The following ANXA10 variants were observed in gnomAD, a reference collection of about 807,000 sequenced individuals.
ANXA10 encodes annexin 14.
A neutral mutation model predicts 53.5 loss-of-function variants in ANXA10; 49 were observed. The ratio of observed to expected loss-of-function variants is 0.92; its 90% CI spans 0.73 to 1.16. The LOEUF is 1.16. ANXA10 is among the 50% of genes most tolerant of loss of function. ANXA10 has a pLI of 0.00. For synonymous variants in ANXA10, 131 were observed against 128.9 expected (o/e 1.02, Z -0.11); for missense variants, 393 against 394.4 (o/e 1.00, Z 0.03).
intron 6 of ANXA10, among the ~76,000 whole-genome samples, chr4:168,174,376 C>T (rs766080413): frequency 1.3e-5 from 2 of 152,216 alleles, no homozygotes; most frequent in African/African-American, 2.4e-5. Context: ...TGTGACATGC[C>T]TGGTCCAGCC....
At chr4:168,155,766 GATATATC>G (rs1358043744) in intron 3 of ANXA10, among the ~76,000 whole-genome samples, 1 of 28,118 alleles carries the variant, frequency 3.6e-5, no homozygotes, top group Non-Finnish European at 5.6e-5. Flanking sequence ...TATAATATAT[GATATATC>G]ATATATTATA....
intron 3 of ANXA10, among the ~76,000 whole-genome samples, chr4:168,139,820 C>T (rs1480068595): frequency 6.6e-6 from 1 of 152,046 alleles, no homozygotes; most frequent in Admixed American, 6.5e-5. Flanking sequence ...AAGTTCTTTC[C>T]CCAAAATCAT....
At chr4:168,096,930 G>GTA (rs1560956143) in intron 1 of ANXA10, among the ~76,000 whole-genome samples, 1 of 38,250 alleles carries the variant, frequency 2.6e-5, no homozygotes, top group African/African-American at 1.1e-4. Flanking sequence ...ATATATATAT[G>GTA]TATGTATATG....
At chr4:168,116,459 C>T (rs908047057) in intron 1 of ANXA10, among the ~76,000 whole-genome samples, 1 of 151,994 alleles carries the variant, frequency 6.6e-6, no homozygotes, top group East Asian at 1.9e-4. Flanking sequence ...CAGTAATGGG[C>T]CAGTGAACAT....
intron 3 of ANXA10, among the ~76,000 whole-genome samples, chr4:168,151,612 G>T (rs1230705876): frequency 6.6e-6 from 1 of 151,884 alleles, no homozygotes; most frequent in East Asian, 1.9e-4. Context: ...ACGCTGCAAA[G>T]GTTGCATTTG....
chr4:168,169,803 G>A (rs1166780780), intron 6 of ANXA10, among the ~76,000 whole-genome samples: 5 of 152,128 alleles, frequency 3.3e-5, no homozygotes, highest in South Asian at 2.1e-4. Flanking sequence ...AAATGTCAAC[G>A]ATCAAAACTC....
chr4:168,113,895 G>T (rs1730849601), intron 1 of ANXA10, among the ~76,000 whole-genome samples: 1 of 152,020 alleles, frequency 6.6e-6, no homozygotes, highest in South Asian at 2.1e-4. Context: ...TTAATATTAT[G>T]CTTGGAAAAG....
intron 1 of ANXA10, among the ~76,000 whole-genome samples, chr4:168,121,548 CAT>C (rs562741909): frequency 1.2e-4 from 19 of 152,132 alleles, no homozygotes; most frequent in African/African-American, 4.6e-4. Context: ...GTTTAATTAT[CAT>C]TTAATAATAT....
At chr4:168,107,198 A>C (rs759523990) in intron 1 of ANXA10, among the ~76,000 whole-genome samples, 8 of 152,306 alleles carry the variant, frequency 5.3e-5, no homozygotes, top group Non-Finnish European at 1.2e-4. Context: ...TGATTACAAA[A>C]CTGTTAAATA....
chr4:168,096,225 G>A (rs1439588122), intron 1 of ANXA10, among the ~76,000 whole-genome samples: 3 of 152,052 alleles, frequency 2.0e-5, no homozygotes, highest in African/African-American at 7.2e-5. Flanking sequence ...TAATTCCCAG[G>A]ACAAAAACTT....
At chr4:168,164,514 T>C (rs1395172330) in intron 5 of ANXA10, among the ~76,000 whole-genome samples, 1 of 152,118 alleles carries the variant, frequency 6.6e-6, no homozygotes, top group Non-Finnish European at 1.5e-5. Context: ...GGAAAATAAT[T>C]ACAAGTCTCT....
chr4:168,157,424 C>A (rs1416899359), intron 3 of ANXA10, among the ~76,000 whole-genome samples: 1 of 152,050 alleles, frequency 6.6e-6, no homozygotes, highest in South Asian at 2.1e-4. Context: ...CCTGCCACCA[C>A]CCCTGGCTAA....
In ANXA10 at chr4:168,177,806, A is replaced by G. The variant is rs1269951407; in HGVS notation, c.534+13A>G. 2 of 1,614,180 alleles carry G rather than the reference A, an allele frequency of 1.2e-6. No individual in the cohort carries two copies. Among genetic ancestry groups the G allele is most frequent in the African/African-American group, 1.3e-5 (1 of 75,048 alleles). On this transcript the variant is annotated intron_variant, in intron 7 of 11. Coordinates refer to ENST00000359299, the MANE Select transcript of ANXA10 (RefSeq NM_007193.5). ...TCAGGATGCAATGGTAACTAGAACC[A>G]GTTCTCAGACTGACTGCAAAGAACC...
intron 3 of ANXA10, among the ~76,000 whole-genome samples, chr4:168,145,990 T>G (rs1731400262): frequency 6.6e-6 from 1 of 151,972 alleles, no homozygotes; most frequent in Non-Finnish European, 1.5e-5. Context: ...TGGCATGATC[T>G]TGGCTTACTG....
chr4:168,165,310 T>C lies in ANXA10; in HGVS notation c.464T>C (p.Leu155Pro). Residue 155 changes from leucine to proline, a missense_variant, in exon 6 of 12, where the codon CTC becomes CCC. By Grantham distance (98) the Leu-to-Pro change is moderately conservative. Transcript: ENST00000359299. ...SETSGHFRDT[L>P]MNLVQGTREE... ...ACCTCAGGACACTTCAGAGATACTC[T>C]CATGAACTTGGTCCAGGTATGGCAT... 6 of 1,583,146 alleles carry C rather than the reference T, an allele frequency of 3.8e-6. No homozygotes were observed. The highest frequency in any genetic ancestry group is 1.4e-5 in the African/African-American group (1 of 73,966).
At chr4:168,135,752 T>G (rs1731227036) in intron 2 of ANXA10, among the ~76,000 whole-genome samples, 1 of 152,148 alleles carries the variant, frequency 6.6e-6, no homozygotes, top group Admixed American at 6.5e-5. Flanking sequence ...CACAGATGCC[T>G]TGTACTTTCA....
intron 2 of ANXA10, 86 bp downstream of exon 2, chr4:168,128,251 T>C: frequency 1.1e-6 from 1 of 931,244 alleles, no homozygotes; most frequent in South Asian, 1.9e-5. Context: ...TATAAAATAG[T>C]TGATGTCTTA....
At chr4:168,183,080 G>A (rs1034371876) in intron 10 of ANXA10, among the ~76,000 whole-genome samples, 6 of 150,854 alleles carry the variant, frequency 4.0e-5, no homozygotes, top group South Asian at 2.1e-4. Context: ...TATACATGTC[G>A]TAGCCTTGAA....
In ANXA10 at chr4:168,109,393, T is replaced by C. The variant is rs192499535; in HGVS notation, c.18+16675T>C. On this transcript the variant is annotated intron_variant, in intron 1 of 11. Transcript: ENST00000359299. ...AAATTATCAAAATTCTCTTACTCCTTCTATCTTTGTAGCTATTACATTTTT... is the reference window on the plus strand; with the variant it reads ...AAATTATCAAAATTCTCTTACTCCTCCTATCTTTGTAGCTATTACATTTTT... 5.3e-5 allele frequency among the ~76,000 whole-genome samples: 8 copies of C among 152,320 alleles called. No homozygotes were observed. The East Asian group carries it at 5.8e-4, about 11-fold the overall frequency.
Sources: allele counts gnomAD v4.1 joint callset (sites outside exome capture counted in the v4.1 genomes callset), GRCh38; gene constraint gnomAD v4.1.1; transcripts MANE v1.5; gene names NCBI Gene and HGNC (gene_info 2026-07-23, HGNC 2026-07-21).